Variants in SPNS2 observed in about 807,000 individuals in gnomAD.
The protein encoded by SPNS2 is sphingosine-1-phosphate transporter SPNS2.
Under a neutral mutation model 57.6 loss-of-function variants are expected in SPNS2, and 37 were observed. The ratio of observed to expected loss-of-function variants is 0.64; its 90% CI spans 0.49 to 0.85. The LOEUF is 0.85. Ranked by LOEUF, SPNS2 falls within the 40% of genes least tolerant of loss-of-function variation. The pLI is 0.00. For missense variants in SPNS2, 831 were observed against 779.1 expected (o/e 1.07, Z -0.79); for synonymous variants, 440 against 346.9 (o/e 1.27, Z -2.98).
rs202089427 is a variant in SPNS2, at chr17:4,530,735, C to T, written c.677C>T (p.Thr226Met). The T allele has an allele frequency of 3.3e-5, 54 of 1,614,076 alleles. No homozygotes were observed. The Middle Eastern group carries it at 6.6e-4, about 20-fold the overall frequency. The change falls in exon 4 of 13, where the codon ACG (threonine) becomes ATG (methionine). Residue 226 changes from threonine (T) to methionine (M), a missense_variant. Around this residue, in one of 2 missense-constraint regions of SPNS2, gnomAD observed 305 missense variants for 378.3 expected, o/e 0.81. Coordinates refer to ENST00000329078, the MANE Select transcript of SPNS2 (RefSeq NM_001124758.3). ...ATTGGCGACCTCTTCACCAAGAACA[C>T]GCGTACGCTCATGCTGTCCGTCTTC... ...TIIGDLFTKNTRTLMLSVFYF... is the reference protein window; with the variant it reads ...TIIGDLFTKNMRTLMLSVFYF...
chr17:4,524,729 T>C (rs1004953145), intron 2 of SPNS2, among the ~76,000 whole-genome samples: 4 of 152,200 alleles, frequency 2.6e-5, no homozygotes, highest in African/African-American at 9.6e-5. Context: ...AGATATGACA[T>C]GGTGAGCCCC....
intron 11 of SPNS2, 162 bp from the exon 12 acceptor site, chr17:4,536,738 T>C (rs973581995): frequency 1.9e-5 from 13 of 673,766 alleles, no homozygotes; most frequent in African/African-American, 1.1e-4. Context: ...CCTCTCTCTC[T>C]CCTCTCCCCA....
At chr17:4,518,684 G>T (rs1002265568) in intron 2 of SPNS2, among the ~76,000 whole-genome samples, 1 of 152,210 alleles carries the variant, frequency 6.6e-6, no homozygotes, top group South Asian at 2.1e-4. Context: ...GGAACGGAGG[G>T]AGAGTGGGGA....
intron 11 of SPNS2, 157 bp downstream of exon 11, chr17:4,536,583 GC>G: frequency 1.1e-6 from 1 of 949,290 alleles, no homozygotes; most frequent in Non-Finnish European, 1.5e-6. Context: ...GAGGCCCAGT[GC>G]CAGGGTCAGC....
intron 7 of SPNS2, 46 bp from the exon 8 acceptor site, chr17:4,533,190 GCCTTAGC>G: frequency 6.3e-7 from 1 of 1,581,704 alleles, no homozygotes; most frequent in Non-Finnish European, 8.6e-7. Context: ...GAGCCCCTCA[GCCTTAGC>G]CCTGAGCCGC....
chr17:4,527,252 T>C (rs1905282917), intron 3 of SPNS2, among the ~76,000 whole-genome samples: 1 of 152,184 alleles, frequency 6.6e-6, no homozygotes, highest in Non-Finnish European at 1.5e-5. Flanking sequence ...AAGAACATTG[T>C]GAAAAAATAA....
intron 2 of SPNS2, among the ~76,000 whole-genome samples, chr17:4,522,544 C>A (rs1905165020): frequency 6.6e-6 from 1 of 152,226 alleles, no homozygotes; most frequent in African/African-American, 2.4e-5. Context: ...GGCCCTCTCG[C>A]CTCTCTTTCA....
intron 3 of SPNS2, 86 bp downstream of exon 3, chr17:4,525,279 A>G: frequency 6.5e-7 from 1 of 1,532,882 alleles, no homozygotes; most frequent in South Asian, 1.2e-5. Flanking sequence ...TGAAGAATCC[A>G]GCCCAGGGCT....
chr17:4,513,196 G>T, intron 1 of SPNS2, 51 bp from the exon 2 acceptor site: 1 of 1,590,588 alleles, frequency 6.3e-7, no homozygotes, highest in African/African-American at 1.3e-5. Flanking sequence ...TGGTCTGTGG[G>T]GACACCAGCC....
intron 1 of SPNS2, among the ~76,000 whole-genome samples, chr17:4,507,134 C>T (rs1904703055): frequency 6.6e-6 from 1 of 152,210 alleles, no homozygotes; most frequent in African/African-American, 2.4e-5. Context: ...GCCAGGTCAG[C>T]AGAGCCAGGC....
At chr17:4,504,053 G>C (rs1359381182) in intron 1 of SPNS2, among the ~76,000 whole-genome samples, 1 of 151,554 alleles carries the variant, frequency 6.6e-6, no homozygotes, top group African/African-American at 2.4e-5. Context: ...GAGGCCCAGG[G>C]TCTTTTACAG....
Position 4,510,109 on chromosome 17 carries a change from G to A in SPNS2, c.371-3138G>A, listed in dbSNP as rs1470216660. Reference sequence around the variant, plus strand: ...ACGCTTCCCGTGCCAGCGGCCAGCGGGATCTCACCCTCCTGTGGCTGTGGC... The same window carrying A: ...ACGCTTCCCGTGCCAGCGGCCAGCGAGATCTCACCCTCCTGTGGCTGTGGC... On this transcript the variant is annotated intron_variant, in intron 1 of 12. Transcript: ENST00000329078. The surrounding 1 kb of genome is among the most constrained non-coding windows in gnomAD (Gnocchi z 4.4). Among the ~76,000 whole-genome samples the A allele has an allele frequency of 2.6e-5, 4 of 152,276 alleles. No individual in the cohort carries two copies. Among genetic ancestry groups the A allele is most frequent in the Non-Finnish European group, 1.5e-5 (1 of 68,052 alleles).
chr17:4,503,247 T>C (rs1904578843), intron 1 of SPNS2, among the ~76,000 whole-genome samples: 1 of 152,222 alleles, frequency 6.6e-6, no homozygotes, highest in Non-Finnish European at 1.5e-5. Flanking sequence ...GACCCTTGCT[T>C]CTGGCCTGGG....
chr17:4,532,418 C>T (rs1216750822), intron 5 of SPNS2, 124 bp from the exon 6 acceptor site: 56 of 1,413,092 alleles, frequency 4.0e-5, no homozygotes, highest in Admixed American at 7.8e-5. Context: ...GAAGGCTGGG[C>T]AGATACCTGC....
rs899243151 is a variant in SPNS2, at chr17:4,513,901, C to T, written c.436+589C>T. 1.1e-4 allele frequency among the ~76,000 whole-genome samples: 17 copies of T among 152,342 alleles called. No homozygotes were observed. The South Asian group carries it at 3.3e-3, about 30-fold the overall frequency. On this transcript the variant is annotated intron_variant, in intron 2 of 12. Transcript: ENST00000329078. ...ACCACCCTCTCCCCTGGGGCCCAGGCTTCTGATGGGCTGCCAGAGCAGGGC... is the reference window on the plus strand; with the variant it reads ...ACCACCCTCTCCCCTGGGGCCCAGGTTTCTGATGGGCTGCCAGAGCAGGGC...
chr17:4,527,130 G>C (rs1905280329), intron 3 of SPNS2, among the ~76,000 whole-genome samples: 1 of 151,048 alleles, frequency 6.6e-6, no homozygotes, highest in Non-Finnish European at 1.5e-5. Context: ...GTCACCTCCA[G>C]TGAATCCATA....
rs150294826 is a variant in SPNS2, at chr17:4,532,319, C to T, written c.793-223C>T. 1.6e-4 allele frequency among the ~76,000 whole-genome samples: 25 copies of T among 152,326 alleles called. No individual in the cohort carries two copies. The East Asian group carries it at 4.8e-3, about 29-fold the overall frequency. On this transcript the variant is annotated intron_variant, in intron 5 of 12. Transcript: ENST00000329078. ...CTGGCTTCCCTGCACCTTCCCACCT[C>T]TGGTCCTGCCCCTGGTCTGGACAGG...
chr17:4,537,357 T>G (rs1022452561), intron 12 of SPNS2, 96 bp from the exon 13 acceptor site: 2 of 396,944 alleles, frequency 5.0e-6, no homozygotes, highest in Non-Finnish European at 1.0e-5. Flanking sequence ...AGGAGAAGGC[T>G]TGCGTCTCCA....
rs200033051 is a variant in SPNS2 at position 4,536,409 on chromosome 17, C to A, written c.1590C>A (p.Arg530=). 949 of 1,601,428 alleles carry A rather than the reference C, an allele frequency of 5.9e-4. 1 individual carries two copies. The highest frequency in any genetic ancestry group is 7.2e-4 in the Non-Finnish European group (847 of 1,179,022). The change falls in exon 11 of 13, where the codon CGC becomes CGA. Residue 530 remains arginine (R), a synonymous_variant. Coordinates refer to ENST00000329078, the MANE Select transcript of SPNS2 (RefSeq NM_001124758.3). ...CTGCGCTCTTCTTCGTCAGCGACCG[C>A]GCCAGGGCTGAGCAGCAGTGAGTGG... ...LATALFFVSD[R]ARAEQQVNQL...
Sources: gnomAD v4.1 joint callset for allele counts (sites outside exome capture counted in the v4.1 genomes callset) on GRCh38, gnomAD v4.1.1 for gene constraint, gnomAD v4.1.1 regional missense constraint, Gnocchi (gnomAD v3.1) non-coding constraint, MANE v1.5 for transcripts, NCBI Gene and HGNC (gene_info 2026-07-23, HGNC 2026-07-21) for gene names.